Variants in VTI1A observed in about 807,000 individuals in gnomAD.
VTI1A encodes vesicle transport through interaction with t-SNAREs homolog 1A.
VTI1A carries 22 observed loss-of-function variants against 34.9 expected under a neutral mutation model. That is an observed-to-expected ratio of 0.63 (90% CI 0.45 to 0.90). The LOEUF (loss-of-function observed/expected upper bound fraction) is 0.90. VTI1A is among the 40% of genes least tolerant of loss of function. The pLI is 0.00. For missense variants in VTI1A, 268 were observed against 275.6 expected, an observed-to-expected ratio of 0.97 and a Z score of 0.20; for synonymous variants, 87 against 97.3, an observed-to-expected ratio of 0.89 and a Z score of 0.62.
intron 5 of VTI1A, among the ~76,000 whole-genome samples, chr10:112,595,911 C>G (rs971179271): frequency 2.0e-5 from 3 of 152,062 alleles, no homozygotes; most frequent in Admixed American, 6.5e-5. Context: ...TGGAACCAAC[C>G]CAAATGTCCA....
Position 112,779,063 on chromosome 10 carries a change from G to A in VTI1A, c.561-36227G>A, listed in dbSNP as rs185551028. Reference sequence around the variant, plus strand: ...GTTTAGGTGGCTGTGGAAATCTCACGTTTGCTTTATCGCAGCTTGAAAAGG... The same window carrying A: ...GTTTAGGTGGCTGTGGAAATCTCACATTTGCTTTATCGCAGCTTGAAAAGG... On this transcript the variant is annotated intron_variant, in intron 7 of 7. Coordinates refer to ENST00000393077, the MANE Select transcript of VTI1A (RefSeq NM_145206.4). Among the ~76,000 whole-genome samples the A allele has an allele frequency of 1.1e-4, 17 of 152,290 alleles. No individual in the cohort carries two copies. In the East Asian group the frequency reaches 2.9e-3, roughly 26 times the overall value.
At chr10:112,539,965 G>T (rs1390639665) in intron 5 of VTI1A, among the ~76,000 whole-genome samples, 1 of 152,140 alleles carries the variant, frequency 6.6e-6, no homozygotes, top group Non-Finnish European at 1.5e-5. Context: ...GGGGAACATA[G>T]CACTGTGTCT....
intron 5 of VTI1A, among the ~76,000 whole-genome samples, chr10:112,573,909 G>C (rs185634807): frequency 2.0e-5 from 3 of 152,266 alleles, no homozygotes; most frequent in Admixed American, 2.0e-4. Flanking sequence ...ATTGGCTTCT[G>C]TGAGGAATGT....
chr10:112,667,631 T>C (rs746466196), intron 5 of VTI1A, among the ~76,000 whole-genome samples: 39 of 152,160 alleles, frequency 2.6e-4, no homozygotes, highest in Non-Finnish European at 4.9e-4. Context: ...GAAATGCACC[T>C]CACCTTGAGT....
chr10:112,658,642 A>C (rs1423220831), intron 5 of VTI1A, among the ~76,000 whole-genome samples: 1 of 152,078 alleles, frequency 6.6e-6, no homozygotes, highest in African/African-American at 2.4e-5. Context: ...ACAAACATCT[A>C]ATCCTACGGC....
chr10:112,469,007 C>G (rs557237234), intron 3 of VTI1A, among the ~76,000 whole-genome samples: 5 of 152,224 alleles, frequency 3.3e-5, no homozygotes, highest in African/African-American at 1.2e-4. Context: ...CATTCAAAAC[C>G]CTGTACACCA....
At chr10:112,675,946 A>G (rs1351016483) in intron 7 of VTI1A, among the ~76,000 whole-genome samples, 1 of 152,216 alleles carries the variant, frequency 6.6e-6, no homozygotes, top group African/African-American at 2.4e-5. Context: ...TTTACTATGG[A>G]AATTTTTATA....
intron 7 of VTI1A, among the ~76,000 whole-genome samples, chr10:112,776,185 C>T (rs888627600): frequency 2.0e-5 from 3 of 152,186 alleles, no homozygotes; most frequent in African/African-American, 7.2e-5. Context: ...TGTTTTACAG[C>T]AGCCGAGGGT....
intron 7 of VTI1A, among the ~76,000 whole-genome samples, chr10:112,745,545 A>G (rs752876729): frequency 1.3e-5 from 2 of 152,186 alleles, no homozygotes; most frequent in African/African-American, 4.8e-5. Flanking sequence ...AACACAGCTG[A>G]CAGTGATTTA....
intron 5 of VTI1A, among the ~76,000 whole-genome samples, chr10:112,666,490 CAT>C (rs10602572): frequency 0.012 from 1,753 of 152,232 alleles, 30 homozygotes; most frequent in African/African-American, 0.04. Flanking sequence ...ATGGAAGCTC[CAT>C]GAGTGCAAAC....
At chr10:112,671,827 A>G (rs1056561490) in intron 7 of VTI1A, 1 of 152,218 alleles carries the variant, frequency 6.6e-6, no homozygotes, top group Non-Finnish European at 1.5e-5. Flanking sequence ...TTAATATTTT[A>G]TTAACTTCAA....
chr10:112,703,601 C>T (rs1849088665), intron 7 of VTI1A, among the ~76,000 whole-genome samples: 1 of 151,968 alleles, frequency 6.6e-6, no homozygotes, highest in Non-Finnish European at 1.5e-5. Context: ...GAATATGATG[C>T]ATTATATATA....
At position 112,546,014 on chromosome 10, in the gene VTI1A, G is replaced by GCA. The variant is rs1564821389; in HGVS notation, c.427+7684_427+7685insCA. ...TATACGTGTATACGCGTATGTGTGTGTATATACGTGTATACGCGTATGTGT... is the reference window on the plus strand; with the variant it reads ...TATACGTGTATACGCGTATGTGTGTGCATATATACGTGTATACGCGTATGTGT... On this transcript the variant is annotated intron_variant, in intron 5 of 7. Coordinates refer to ENST00000393077, the MANE Select transcript of VTI1A (RefSeq NM_145206.4). 3.5e-4 allele frequency among the ~76,000 whole-genome samples: 49 copies of GCA among 139,628 alleles called. 2 individuals carry two copies. Among genetic ancestry groups the GCA allele is most frequent in the Non-Finnish European group, 5.2e-4 (35 of 66,694 alleles). The allele number at this position is 139,628 out of a possible 152,430, so 91.6% of individuals were successfully genotyped here.
At chr10:112,790,493 T>TAGGACTGTAACTAGGACTGTAAC (rs1852424020) in intron 7 of VTI1A, among the ~76,000 whole-genome samples, 1 of 152,184 alleles carries the variant, frequency 6.6e-6, no homozygotes, top group Non-Finnish European at 1.5e-5. Context: ...GGACTGTAAC[T>TAGGACTGTAACTAGGACTGTAAC]TTAGGCTAGC....
At chr10:112,749,878 C>A (rs1347657458) in intron 7 of VTI1A, among the ~76,000 whole-genome samples, 4 of 152,042 alleles carry the variant, frequency 2.6e-5, no homozygotes, top group African/African-American at 9.7e-5. Context: ...GGAAGAGGGT[C>A]GATGCAGTAG....
the VTI1A span, among the ~76,000 whole-genome samples, chr10:112,829,112 G>A: frequency 6.6e-6 from 1 of 152,088 alleles, no homozygotes; most frequent in African/African-American, 2.4e-5. Context: ...GTATCCTGAA[G>A]GAAATTTGAG....
intron 5 of VTI1A, among the ~76,000 whole-genome samples, chr10:112,637,914 G>GT (rs2134652732): frequency 6.6e-6 from 1 of 152,290 alleles, no homozygotes; most frequent in East Asian, 1.9e-4. Flanking sequence ...TTTTAGATGT[G>GT]TAAAAACTGT....
At chr10:112,472,790 G>A (rs912817504) in intron 3 of VTI1A, among the ~76,000 whole-genome samples, 10 of 151,984 alleles carry the variant, frequency 6.6e-5, no homozygotes, top group Admixed American at 2.6e-4. Flanking sequence ...CCTTCTTACA[G>A]GACCATAAGT....
chr10:112,604,122 A>G (rs769998073), intron 5 of VTI1A, among the ~76,000 whole-genome samples: 1 of 152,080 alleles, frequency 6.6e-6, no homozygotes, highest in Non-Finnish European at 1.5e-5. Flanking sequence ...ACCGAGCCCT[A>G]TGATCTGTTT....
Sources: gnomAD v4.1 joint callset for allele counts (sites outside exome capture counted in the v4.1 genomes callset) on GRCh38, gnomAD v4.1.1 for gene constraint, MANE v1.5 for transcripts, NCBI Gene and HGNC (gene_info 2026-07-23, HGNC 2026-07-21) for gene names.